Variants in RNF168 observed in about 807,000 individuals in gnomAD.
RNF168 encodes ring finger protein 168.
Under a neutral mutation model 34.9 loss-of-function variants are expected in RNF168, and 34 were observed. The ratio of observed to expected loss-of-function variants is 0.97; its 90% CI spans 0.74 to 1.30. RNF168 has a LOEUF of 1.30. Ranked by LOEUF, RNF168 falls within the 50% of genes most tolerant of loss-of-function variation. The pLI is 0.00. For missense variants in RNF168, 725 were observed against 682.5 expected, an observed-to-expected ratio of 1.06 and a Z score of -0.69; for synonymous variants, 264 against 254.7, an observed-to-expected ratio of 1.04 and a Z score of -0.35.
intron 3 of RNF168, among the ~76,000 whole-genome samples, chr3:196,486,291 T>C (rs1043321073): frequency 2.0e-5 from 3 of 152,036 alleles, no homozygotes; most frequent in African/African-American, 7.2e-5. Context: ...GTGGAAAAAA[T>C]GTAAGCAGCA....
Position 196,471,939 on chromosome 3 carries a change from A to G in RNF168, c.1596T>C (p.Asn532=), listed in dbSNP as rs375834467. The change falls in exon 6 of 6, where the codon AAT becomes AAC. Residue 532 remains asparagine, a synonymous_variant. Transcript: ENST00000318037. ...SLKMQLKQSV[N]RRKMPNSTRD... is the part of the protein sequence containing the mutation. ...TAGTAGAATTTGGCATCTTTCTTCT[A>G]TTAACTGACTGCTTCAACTGCATCT... The G allele has an allele frequency of 4.6e-5, 74 of 1,613,978 alleles. No individual in the cohort carries two copies. Among genetic ancestry groups the G allele is most frequent in the Non-Finnish European group, 6.2e-5 (73 of 1,179,950 alleles).
intron 4 of RNF168, among the ~76,000 whole-genome samples, chr3:196,476,033 T>G (rs1442231805): frequency 1.3e-5 from 2 of 151,912 alleles, no homozygotes; most frequent in Middle Eastern, 3.4e-3. Flanking sequence ...CTAATTTTTG[T>G]ATTTTTAGTA....
rs981355460 is a variant in RNF168, at chr3:196,471,112, C to G, written c.*707G>C. 2 of 140,456 alleles carry G rather than the reference C, an allele frequency of 1.4e-5. No homozygotes were observed. Among genetic ancestry groups the G allele is most frequent in the Non-Finnish European group, 3.0e-5 (2 of 66,266 alleles). The allele number at this position is 140,456 out of a possible 1,614,324, so 8.7% of individuals were successfully genotyped here. A position where few individuals can be genotyped will look rare whatever the true frequency, so the allele number is the denominator to read the frequency against. Reference sequence around the variant, plus strand: ...TCGGGAGGCTGAGGCAGAAGAATCGCTTGAACTCGGGAGGCGGAGGTTGCA... The same window carrying G: ...TCGGGAGGCTGAGGCAGAAGAATCGGTTGAACTCGGGAGGCGGAGGTTGCA... On this transcript the variant is annotated 3_prime_UTR_variant, in exon 6 of 6. Coordinates refer to ENST00000318037, the MANE Select transcript of RNF168 (RefSeq NM_152617.4).
chr3:196,488,658 C>G lies in RNF168; in HGVS notation c.327G>C (p.Leu109=), dbSNP rs750986787. ...EVADDYQPVR[L]LSKPGELRRE... ...TTCTCAGTTCCCCAGGTTTACTGAG[C>G]AGACGAACTGGCTGATAGTCATCAG... is the stretch of plus-strand genomic sequence containing the variant. The change falls in exon 2 of 6, where the codon CTG becomes CTC. Residue 109 remains leucine (L), a synonymous_variant. Transcript: ENST00000318037. The G allele has an allele frequency of 1.2e-6, 2 of 1,607,664 alleles. No individual in the cohort carries two copies. The highest frequency in any genetic ancestry group is 1.7e-6 in the Non-Finnish European group (2 of 1,174,604).
intron 1 of RNF168, among the ~76,000 whole-genome samples, chr3:196,494,620 A>G (rs1410380859): frequency 1.3e-5 from 2 of 152,236 alleles, no homozygotes; most frequent in Admixed American, 6.5e-5. Context: ...GGTACAAAAT[A>G]AAGAGATAGT....
chr3:196,493,166 C>G (rs1732637447), intron 1 of RNF168, among the ~76,000 whole-genome samples: 1 of 152,136 alleles, frequency 6.6e-6, no homozygotes, highest in Non-Finnish European at 1.5e-5. Context: ...CAATTAAAAA[C>G]CACAACAGGC....
intron 1 of RNF168, among the ~76,000 whole-genome samples, chr3:196,497,986 C>T (rs1732785650): frequency 6.6e-6 from 1 of 152,062 alleles, no homozygotes; most frequent in Admixed American, 6.6e-5. Context: ...TCATTAGTTA[C>T]CTGGAAATTG....
At chr3:196,498,422 G>A (rs1252479488) in intron 1 of RNF168, among the ~76,000 whole-genome samples, 2 of 152,092 alleles carry the variant, frequency 1.3e-5, no homozygotes, top group African/African-American at 2.4e-5. Context: ...CAAAGTGCGT[G>A]AGCCACCATG....
At chr3:196,490,154 T>C (rs1380222113) in intron 1 of RNF168, among the ~76,000 whole-genome samples, 1 of 152,226 alleles carries the variant, frequency 6.6e-6, no homozygotes, top group South Asian at 2.1e-4. Flanking sequence ...TTGAAATACA[T>C]CTGCAGGACT....
intron 5 of RNF168, among the ~76,000 whole-genome samples, chr3:196,473,704 A>C (rs927435799): frequency 4.6e-5 from 7 of 152,108 alleles, no homozygotes; most frequent in African/African-American, 1.7e-4. Context: ...AAAATACAAA[A>C]ATTAGCCGGG....
chr3:196,475,498 G>C (rs1732123585), intron 4 of RNF168, 186 bp from the exon 5 acceptor site: 1 of 542,630 alleles, frequency 1.8e-6, no homozygotes, highest in South Asian at 2.1e-5. Flanking sequence ...ATTGAGTATT[G>C]ATATTTTAGT....
At chr3:196,486,787 A>C (rs967076180) in intron 3 of RNF168, among the ~76,000 whole-genome samples, 1 of 152,332 alleles carries the variant, frequency 6.6e-6, no homozygotes, top group East Asian at 1.9e-4. Context: ...AAAAGTTGTT[A>C]AACAACTTGC....
intron 4 of RNF168, among the ~76,000 whole-genome samples, chr3:196,476,407 T>C (rs1732150496): frequency 6.6e-6 from 1 of 150,846 alleles, no homozygotes; most frequent in African/African-American, 2.4e-5. Context: ...TACTTTTATA[T>C]CAACTCTCTT....
chr3:196,488,632 C>A lies in RNF168; in HGVS notation c.353G>T (p.Arg118Ile), dbSNP rs1486156541. Residue 118 changes from arginine to isoleucine, a missense_variant, in exon 2 of 6, where the codon AGA becomes ATA. Arg to Ile is a moderately conservative substitution (Grantham distance 97). Transcript: ENST00000318037. ...RLLSKPGELR[R>I]EYEEEISKVA... ...CTTGCTTATTTCCTCTTCATATTCT[C>A]TTCTCAGTTCCCCAGGTTTACTGAG... The A allele has an allele frequency of 6.8e-6, 11 of 1,606,054 alleles. No individual in the cohort carries two copies. The highest frequency in any genetic ancestry group is 8.5e-6 in the Non-Finnish European group (10 of 1,173,372).
Position 196,501,163 on chromosome 3 carries a change from T to C in RNF168, c.301+1710A>G, listed in dbSNP as rs1462432226. On this transcript the variant is annotated intron_variant, in intron 1 of 5. Transcript: ENST00000318037. ...ATGGTACAGCCACTGTAGAAATCAA[T>C]GTGGCAGTTCCTCAAAAAGCTAAAC... 2.0e-5 allele frequency among the ~76,000 whole-genome samples: 3 copies of C among 152,196 alleles called. No individual in the cohort carries two copies. The East Asian group carries it at 5.8e-4, about 29-fold the overall frequency.
chr3:196,484,499 T>A (rs1187057963), intron 3 of RNF168, among the ~76,000 whole-genome samples: 4 of 91,556 alleles, frequency 4.4e-5, no homozygotes, highest in East Asian at 2.3e-4. Context: ...TTTTTTTTTT[T>A]AAGACAGGGT....
intron 1 of RNF168, among the ~76,000 whole-genome samples, chr3:196,501,416 A>G (rs1365883792): frequency 6.6e-6 from 1 of 152,248 alleles, no homozygotes; most frequent in Non-Finnish European, 1.5e-5. Flanking sequence ...GATCCATGCC[A>G]CACTGTACAT....
chr3:196,495,036 C>T (rs1732704759), intron 1 of RNF168, among the ~76,000 whole-genome samples: 1 of 152,198 alleles, frequency 6.6e-6, no homozygotes, highest in Middle Eastern at 3.4e-3. Context: ...AATAAAATAA[C>T]ATAAACTAAA....
At chr3:196,494,581 T>C (rs762322204) in intron 1 of RNF168, among the ~76,000 whole-genome samples, 11 of 152,172 alleles carry the variant, frequency 7.2e-5, no homozygotes, top group Admixed American at 3.3e-4. Context: ...CTTCTCCCAA[T>C]TAAATGTGCA....
Sources: allele counts gnomAD v4.1 joint callset (sites outside exome capture counted in the v4.1 genomes callset), GRCh38; gene constraint gnomAD v4.1.1; transcripts MANE v1.5; gene names NCBI Gene and HGNC (gene_info 2026-07-23, HGNC 2026-07-21).